Variants in MACROD2 observed in about 807,000 individuals in gnomAD.
MACROD2 encodes the protein mono-ADP ribosylhydrolase 2, also known as ADP-ribose glycohydrolase MACROD2.
A neutral mutation model predicts 70.4 loss-of-function variants in MACROD2; 36 were observed. The observed-to-expected ratio is 0.51, with a 90% confidence interval of 0.39 to 0.68. The LOEUF (loss-of-function observed/expected upper bound fraction) is 0.68. Ranked by LOEUF, MACROD2 falls within the 30% of genes least tolerant of loss-of-function variation. MACROD2 has a pLI of 0.00. For missense variants in MACROD2, 496 were observed against 538.4 expected, an observed-to-expected ratio of 0.92 and a Z score of 0.78; for synonymous variants, 172 against 178.8, an observed-to-expected ratio of 0.96 and a Z score of 0.30.
chr20:15,431,368 T>C, intron 6 of MACROD2, 37 bp from the exon 7 acceptor site: 1 of 1,587,364 alleles, frequency 6.3e-7, no homozygotes, highest in East Asian at 2.2e-5. Flanking sequence ...GAGTTGTTTC[T>C]TTAATATTCA....
In MACROD2 at chr20:15,619,540, T is replaced by G. The variant is rs187889325; in HGVS notation, c.645+119693T>G. 10 of 412,520 alleles carry G rather than the reference T, an allele frequency of 2.4e-5. No individual in the cohort carries two copies. In the Admixed American group the frequency reaches 4.0e-4, roughly 17 times the overall value. The allele number at this position is 412,520 out of a possible 1,614,324, so 25.6% of individuals were successfully genotyped here. ...GAGTGAGGATTTTCTGGGCAGATCC[T>G]GTGTGGTGGGGATGTGGTCACCAGT... On this transcript the variant is annotated intron_variant, in intron 8 of 17. Transcript: ENST00000684519.
intron 3 of MACROD2, among the ~76,000 whole-genome samples, chr20:14,237,546 A>G (rs1313257328): frequency 6.7e-6 from 1 of 149,906 alleles, no homozygotes; most frequent in Non-Finnish European, 1.5e-5. Flanking sequence ...TATTTATTTT[A>G]TTATTATTAT....
intron 2 of MACROD2, among the ~76,000 whole-genome samples, chr20:14,045,098 C>T (rs1212120850): frequency 6.6e-6 from 1 of 152,236 alleles, no homozygotes; most frequent in African/African-American, 2.4e-5. Context: ...GAGGAGCCCA[C>T]GCCCACCTGG....
At chr20:14,764,933 A>G (rs1346208271) in intron 5 of MACROD2, among the ~76,000 whole-genome samples, 2 of 152,206 alleles carry the variant, frequency 1.3e-5, no homozygotes, top group East Asian at 1.9e-4. Context: ...CACCCTGTCC[A>G]GCTAAAACTA....
At chr20:14,709,339 C>G (rs1025433440) in intron 5 of MACROD2, among the ~76,000 whole-genome samples, 2 of 151,984 alleles carry the variant, frequency 1.3e-5, no homozygotes, top group Non-Finnish European at 2.9e-5. Context: ...GGCACGAAGT[C>G]TGTGGCTTGT....
chr20:14,637,163 A>G (rs2123483127), intron 4 of MACROD2, among the ~76,000 whole-genome samples: 1 of 152,306 alleles, frequency 6.6e-6, no homozygotes, highest in Non-Finnish European at 1.5e-5. Flanking sequence ...ATTCAGAAAG[A>G]TTCCATCAAA....
chr20:14,408,543 T>C (rs1244050968), intron 3 of MACROD2, among the ~76,000 whole-genome samples: 3 of 152,144 alleles, frequency 2.0e-5, no homozygotes, highest in Admixed American at 6.6e-5. Context: ...TCAGCGAACA[T>C]GTTTTTCTTA....
chr20:15,102,849 C>G (rs73096046), intron 5 of MACROD2, among the ~76,000 whole-genome samples: 5,911 of 151,962 alleles, frequency 0.039, 127 homozygotes, highest in Middle Eastern at 0.13. Flanking sequence ...CAGCTGTACA[C>G]AGTGAAAATA....
chr20:15,978,718 T>C (rs566756005), intron 13 of MACROD2, among the ~76,000 whole-genome samples: 20 of 152,144 alleles, frequency 1.3e-4, no homozygotes, highest in African/African-American at 3.9e-4. Flanking sequence ...AAGTTCAAAT[T>C]TTAAAAGGCC....
chr20:15,532,571 C>T (rs1369710119), intron 8 of MACROD2, among the ~76,000 whole-genome samples: 1 of 151,156 alleles, frequency 6.6e-6, no homozygotes, highest in African/African-American at 2.5e-5. Flanking sequence ...TATTTTTACT[C>T]ATTGATTATA....
intron 6 of MACROD2, among the ~76,000 whole-genome samples, chr20:15,418,714 C>G (rs1328795613): frequency 6.6e-6 from 1 of 152,184 alleles, no homozygotes; most frequent in Non-Finnish European, 1.5e-5. Flanking sequence ...TTCGGAGGCA[C>G]TGGACACGTG....
At chr20:15,233,495 T>C (rs1448259863) in intron 6 of MACROD2, among the ~76,000 whole-genome samples, 1 of 152,106 alleles carries the variant, frequency 6.6e-6, no homozygotes, top group Non-Finnish European at 1.5e-5. Flanking sequence ...TACATAATTA[T>C]TTAGAAATAA....
In MACROD2 at chr20:14,579,127, C is replaced by CTTTT. The variant is rs71190141; in HGVS notation, c.301+85641_301+85644dup. Among the ~76,000 whole-genome samples, 308 of 74,338 alleles carry CTTTT rather than the reference C, an allele frequency of 4.1e-3. 3 individuals carry two copies. The highest frequency in any genetic ancestry group is 5.5e-3 in the African/African-American group (101 of 18,212). 48.8% of individuals were successfully genotyped at this position (74,338 alleles called of 152,430 possible). On this transcript the variant is annotated intron_variant, in intron 4 of 17. Coordinates refer to ENST00000684519, the MANE Select transcript of MACROD2 (RefSeq NM_001351661.2). ...TTCTGGGAAGCAACTGTATCCAATT[C>CTTTT]TTTTTTTTTTTTTTTTTTTTTTTTT... is the stretch of plus-strand genomic sequence containing the variant.
Position 15,429,308 on chromosome 20 carries a change from C to T in MACROD2, c.541-2097C>T, listed in dbSNP as rs139528286. 4.3e-3 allele frequency among the ~76,000 whole-genome samples: 661 copies of T among 152,130 alleles called. 4 individuals carry two copies. Among genetic ancestry groups the T allele is most frequent in the Middle Eastern group, 0.01 (3 of 294 alleles). On this transcript the variant is annotated intron_variant, in intron 6 of 17. Coordinates refer to ENST00000684519, the MANE Select transcript of MACROD2 (RefSeq NM_001351661.2). ...CAGATGTTATTGGCACCTCAAGAACCGTCAGAATCAAAGCATTGACTCATA... is the reference window on the plus strand; with the variant it reads ...CAGATGTTATTGGCACCTCAAGAACTGTCAGAATCAAAGCATTGACTCATA...
intron 3 of MACROD2, among the ~76,000 whole-genome samples, chr20:14,237,157 ATAACAAGC>A (rs1274994305): frequency 6.6e-6 from 1 of 152,128 alleles, no homozygotes; most frequent in Admixed American, 6.5e-5. Flanking sequence ...TGCTACCTCT[ATAACAAGC>A]TCTCATATCT....
At chr20:14,910,833 A>G (rs1465949962) in intron 5 of MACROD2, among the ~76,000 whole-genome samples, 1 of 152,128 alleles carries the variant, frequency 6.6e-6, no homozygotes. Context: ...TTGTGATGGT[A>G]TGTCACTTGA....
At chr20:14,835,736 C>A (rs1998087) in intron 5 of MACROD2, among the ~76,000 whole-genome samples, 34,327 of 151,870 alleles carry the variant, frequency 0.23, 4,313 homozygotes, top group East Asian at 0.37. Context: ...CTCTTAGAAA[C>A]TGGACCTTAA....
intron 8 of MACROD2, among the ~76,000 whole-genome samples, chr20:15,504,946 T>C (rs569060325): frequency 2.6e-5 from 4 of 152,198 alleles, no homozygotes; most frequent in Non-Finnish European, 5.9e-5. Context: ...GAAATATAAT[T>C]CTTTGCGGAA....
rs192014348 is a variant in MACROD2, at chr20:14,638,264, A to T, written c.302-46579A>T. Among the ~76,000 whole-genome samples the T allele has an allele frequency of 1.4e-3, 212 of 152,302 alleles. 3 individuals are homozygous for T. Among genetic ancestry groups the T allele is most frequent in the East Asian group, 1.4e-3 (7 of 5,184 alleles). On this transcript the variant is annotated intron_variant, in intron 4 of 17. Coordinates refer to ENST00000684519, the MANE Select transcript of MACROD2 (RefSeq NM_001351661.2). ...ATTTTTTAAAATATTATTACATTTC[A>T]TACTTACAAAAGATACTGGGAAATA...
Sources: gnomAD v4.1 joint callset for allele counts (sites outside exome capture counted in the v4.1 genomes callset) on GRCh38, gnomAD v4.1.1 for gene constraint, MANE v1.5 for transcripts, NCBI Gene and HGNC (gene_info 2026-07-23, HGNC 2026-07-21) for gene names.